SPOCK1: variants seen among roughly 807,000 people sequenced by gnomAD.
The protein encoded by SPOCK1 is SPARC (osteonectin), cwcv and kazal like domains proteoglycan 1, also known as testican-1.
In SPOCK1, 23 loss-of-function variants were observed where a neutral mutation model predicts 55.3. The observed-to-expected ratio is 0.42, with a 90% CI of 0.30 to 0.59. The LOEUF (loss-of-function observed/expected upper bound fraction) is 0.59. Among genes scored for constraint, SPOCK1 ranks in the 20% least tolerant of loss-of-function variants. The probability of loss-of-function intolerance (pLI) is 0.22; values close to 1 mark genes in which losing one functional copy is unlikely to be tolerated. For synonymous variants in SPOCK1, 226 were observed against 221.0 expected, an observed-to-expected ratio of 1.02 and a Z score of -0.20; for missense variants, 499 against 552.5, an observed-to-expected ratio of 0.90 and a Z score of 0.97.
chr5:137,446,273 G>A (rs971605770), intron 2 of SPOCK1, among the ~76,000 whole-genome samples: 24 of 152,152 alleles, frequency 1.6e-4, no homozygotes, highest in African/African-American at 4.3e-4. Context: ...TGTAAAAATC[G>A]TTAACAGCAG....
At chr5:137,393,807 C>T (rs759413314) in intron 2 of SPOCK1, among the ~76,000 whole-genome samples, 6 of 152,216 alleles carry the variant, frequency 3.9e-5, no homozygotes, top group Non-Finnish European at 7.3e-5. Context: ...AGGCCAGGAA[C>T]ATTGTATACA....
chr5:137,428,998 A>G (rs1045536472), intron 2 of SPOCK1, among the ~76,000 whole-genome samples: 1 of 152,178 alleles, frequency 6.6e-6, no homozygotes, highest in African/African-American at 2.4e-5. Flanking sequence ...ACAGACTTAC[A>G]TCTGATGATG....
intron 6 of SPOCK1, among the ~76,000 whole-genome samples, chr5:137,065,227 C>A (rs1207933427): frequency 7.6e-3 from 885 of 115,992 alleles, no homozygotes; most frequent in African/African-American, 8.1e-3. Context: ...GATTTCATCT[C>A]AAAAAAAAAA....
chr5:137,023,649 T>C (rs569741344), intron 6 of SPOCK1, among the ~76,000 whole-genome samples: 1 of 152,274 alleles, frequency 6.6e-6, no homozygotes, highest in Admixed American at 6.5e-5. Flanking sequence ...GAAGGTGCCA[T>C]GAGGAAGGCA....
chr5:137,384,142 A>G (rs76048713), intron 2 of SPOCK1, among the ~76,000 whole-genome samples: 12,990 of 152,276 alleles, frequency 0.085, 1,255 homozygotes, highest in African/African-American at 0.24. Context: ...TGGACATATG[A>G]CCCAGCAAGC....
At chr5:137,239,556 T>C (rs1440055089) in intron 3 of SPOCK1, among the ~76,000 whole-genome samples, 1 of 152,118 alleles carries the variant, frequency 6.6e-6, no homozygotes, top group African/African-American at 2.4e-5. Context: ...TCTTGTAGGA[T>C]TGAGTCCTTT....
At chr5:137,216,947 G>A (rs1421262093) in intron 3 of SPOCK1, among the ~76,000 whole-genome samples, 2 of 152,172 alleles carry the variant, frequency 1.3e-5, no homozygotes, top group East Asian at 1.9e-4. Context: ...CATAAGGCAG[G>A]AATTAGGAGG....
intron 2 of SPOCK1, among the ~76,000 whole-genome samples, chr5:137,350,220 AAG>A (rs1351673407): frequency 6.6e-6 from 1 of 152,134 alleles, no homozygotes; most frequent in East Asian, 1.9e-4. Flanking sequence ...GAGAGCTGAG[AAG>A]AGGAGCTGCC....
chr5:137,323,096 CTG>C (rs1758006586), intron 2 of SPOCK1, among the ~76,000 whole-genome samples: 1 of 152,196 alleles, frequency 6.6e-6, no homozygotes, highest in African/African-American at 2.4e-5. Flanking sequence ...CCAAACACTG[CTG>C]CACTGGGGAT....
In SPOCK1 at chr5:137,234,908, G is replaced by A. The variant is rs540075797; in HGVS notation, c.232+32102C>T. Among the ~76,000 whole-genome samples the A allele has an allele frequency of 3.9e-5, 6 of 152,346 alleles. No individual in the cohort carries two copies. The South Asian group carries it at 1.0e-3, about 26-fold the overall frequency. The stretch of plus-strand genomic sequence containing the variant: ...CTTCCAATAAAAATTGCTCATCAGA[G>A]AGATGAACATCTTACAACACTGACA... On this transcript the variant is annotated intron_variant, in intron 3 of 10. Coordinates refer to ENST00000394945, the MANE Select transcript of SPOCK1 (RefSeq NM_004598.4).
intron 2 of SPOCK1, among the ~76,000 whole-genome samples, chr5:137,456,757 G>A (rs1015718270): frequency 2.0e-5 from 3 of 152,134 alleles, no homozygotes; most frequent in Admixed American, 1.3e-4. Context: ...AATGGATACC[G>A]TGGTAGACTG....
At chr5:137,061,570 C>A (rs1377319922) in intron 6 of SPOCK1, among the ~76,000 whole-genome samples, 1 of 152,198 alleles carries the variant, frequency 6.6e-6, no homozygotes, top group African/African-American at 2.4e-5. Flanking sequence ...AACCTGCCCC[C>A]ATCCTGCTCC....
At chr5:137,408,663 AT>A (rs1217856313) in intron 2 of SPOCK1, among the ~76,000 whole-genome samples, 1 of 151,954 alleles carries the variant, frequency 6.6e-6, no homozygotes. Flanking sequence ...CATTTACTTT[AT>A]TTTTTTTAAC....
chr5:137,149,973 T>G (rs1234477124), intron 3 of SPOCK1, among the ~76,000 whole-genome samples: 3 of 152,040 alleles, frequency 2.0e-5, no homozygotes, highest in Admixed American at 1.3e-4. Context: ...CACATGAAGG[T>G]TTTCTAGCAC....
At chr5:137,198,724 T>G (rs924519334) in intron 3 of SPOCK1, among the ~76,000 whole-genome samples, 9 of 152,232 alleles carry the variant, frequency 5.9e-5, no homozygotes, top group African/African-American at 2.2e-4. Context: ...CTTAATTTGA[T>G]TGGCGTGTTG....
chr5:137,268,436 A>G (rs1350069404), intron 2 of SPOCK1, among the ~76,000 whole-genome samples: 3 of 152,230 alleles, frequency 2.0e-5, no homozygotes, highest in Non-Finnish European at 4.4e-5. Flanking sequence ...GCTCTTTACC[A>G]TGAAATATCA....
chr5:137,099,784 T>C (rs1390078654), intron 5 of SPOCK1, among the ~76,000 whole-genome samples: 1 of 152,112 alleles, frequency 6.6e-6, no homozygotes, highest in Admixed American at 6.5e-5. Flanking sequence ...AGGCATTGTA[T>C]CCAGTCAACG....
Position 137,498,472 on chromosome 5 carries a change from T to C in SPOCK1, c.87A>G (p.Gly29=), listed in dbSNP as rs773150478. The part of the protein sequence containing the change: ...VESRHLDALA[G]GAGPNHGNFL... ...AATTGCCGTGGTTGGGGCCCGCGCC[T>C]CCGGCGAGCGCGTCCAGGTGCCGGC... The change falls in exon 2 of 11, where the codon GGA becomes GGG. Residue 29 remains glycine, a synonymous_variant. Coordinates refer to ENST00000394945, the MANE Select transcript of SPOCK1 (RefSeq NM_004598.4). 40 of 1,604,782 alleles carry C rather than the reference T, an allele frequency of 2.5e-5. No homozygotes were observed. The Middle Eastern group carries it at 6.6e-4, about 27-fold the overall frequency.
At chr5:137,377,398 T>C (rs1011162852) in intron 2 of SPOCK1, among the ~76,000 whole-genome samples, 1 of 152,162 alleles carries the variant, frequency 6.6e-6, no homozygotes, top group Non-Finnish European at 1.5e-5. Context: ...CTTCTGGCCA[T>C]CTCCTCTTCC....
Sources: gnomAD v4.1 joint callset for allele counts (sites outside exome capture counted in the v4.1 genomes callset) on GRCh38, gnomAD v4.1.1 for gene constraint, MANE v1.5 for transcripts, NCBI Gene and HGNC (gene_info 2026-07-23, HGNC 2026-07-21) for gene names.